Variants in USP47 observed in about 807,000 individuals in gnomAD.
USP47 encodes the protein ubiquitin specific peptidase 47.
In USP47, 35 loss-of-function variants were observed where a neutral mutation model predicts 165.1. That is an observed-to-expected ratio of 0.21 (90% CI 0.16 to 0.28). The LOEUF (loss-of-function observed/expected upper bound fraction) is 0.28. Ranked by LOEUF, USP47 falls within the 10% of genes least tolerant of loss-of-function variation. The probability of loss-of-function intolerance (pLI) is 1.00; values close to 1 mark genes in which losing one functional copy is unlikely to be tolerated. For synonymous variants in USP47, 531 were observed against 544.5 expected, an observed-to-expected ratio of 0.98 and a Z score of 0.35; for missense variants, 1,277 against 1,607.4, an observed-to-expected ratio of 0.79 and a Z score of 3.52.
intron 1 of USP47, among the ~76,000 whole-genome samples, chr11:11,866,920 C>T (rs1049075040): frequency 5.9e-5 from 9 of 151,322 alleles, no homozygotes; most frequent in Admixed American, 2.6e-4. Flanking sequence ...TTTTTTGAGA[C>T]GAAGTTTCAC....
intron 1 of USP47, among the ~76,000 whole-genome samples, chr11:11,852,875 T>C (rs1320149858): frequency 1.3e-5 from 2 of 152,224 alleles, no homozygotes; most frequent in Non-Finnish European, 2.9e-5. Flanking sequence ...GTTCCTCAGA[T>C]GTGCTGTTAT....
chr11:11,929,647 T>C, intron 12 of USP47, 82 bp downstream of exon 12: 1 of 1,535,878 alleles, frequency 6.5e-7, no homozygotes, highest in South Asian at 1.3e-5. Flanking sequence ...TTATTAAGAA[T>C]GAGTGAATCT....
chr11:11,849,561 A>AGGCTTTG, intron 1 of USP47, among the ~76,000 whole-genome samples: 1 of 152,238 alleles, frequency 6.6e-6, no homozygotes, highest in Non-Finnish European at 1.5e-5. Flanking sequence ...TCAAGTGTAT[A>AGGCTTTG]AATGGCTTAT....
intron 7 of USP47, among the ~76,000 whole-genome samples, chr11:11,904,122 G>A (rs1852396767): frequency 1.3e-5 from 2 of 152,130 alleles, no homozygotes; most frequent in Admixed American, 1.3e-4. Flanking sequence ...TCACATAAGA[G>A]TAAGTATTAT....
At chr11:11,870,249 C>T (rs572187995) in intron 1 of USP47, among the ~76,000 whole-genome samples, 2 of 151,896 alleles carry the variant, frequency 1.3e-5, no homozygotes, top group South Asian at 4.2e-4. Context: ...TGTTATTTTA[C>T]TAGTTCAAGT....
chr11:11,940,508 G>A lies in USP47; in HGVS notation c.2273G>A (p.Ser758Asn). The A allele has an allele frequency of 6.2e-7, 1 of 1,611,936 alleles. No individual in the cohort carries two copies. The highest frequency in any genetic ancestry group is 8.5e-7 in the Non-Finnish European group (1 of 1,178,580). The part of the protein sequence containing the change: ...YNDLRLLSVS[S>N]KTLKAEGFFR... ...GATTTGCGTCTTCTCAGTGTCTCCA[G>A]TAAAACCCTGAAAGCTGAAGGATTT... The change falls in exon 19 of 28, where the codon AGT becomes AAT. Residue 758 changes from serine (S) to asparagine (N), a missense_variant. This residue lies in a region of USP47 where 909 missense variants were observed against 1,068.1 expected (regional missense o/e 0.85). Coordinates refer to ENST00000527733, the MANE Select transcript of USP47 (RefSeq NM_001282659.2).
chr11:11,857,166 C>CA (rs11387868), intron 1 of USP47, among the ~76,000 whole-genome samples: 116,427 of 151,992 alleles, frequency 0.77, 45,430 homozygotes, highest in African/African-American at 0.92. Context: ...AACTCATCTC[C>CA]AAAAGATGCA....
At chr11:11,842,424 A>G (rs947422279) in intron 1 of USP47, among the ~76,000 whole-genome samples, 200 bp downstream of exon 1, 2 of 151,792 alleles carry the variant, frequency 1.3e-5, no homozygotes, top group African/African-American at 4.8e-5. Flanking sequence ...CGGGGAGCGG[A>G]CCTCCCGCCT....
chr11:11,862,777 G>A (rs115689155), intron 1 of USP47, among the ~76,000 whole-genome samples: 365 of 151,794 alleles, frequency 2.4e-3, no homozygotes, highest in African/African-American at 8.3e-3. Context: ...GGCTGGTCTC[G>A]AACTCCTGGG....
intron 2 of USP47, among the ~76,000 whole-genome samples, chr11:11,883,570 A>G (rs1215182209): frequency 2.6e-5 from 4 of 152,242 alleles, no homozygotes; most frequent in African/African-American, 9.6e-5. Context: ...TTTTCATAAA[A>G]TGAGTATAAG....
At chr11:11,874,263 A>G (rs1163719118) in intron 1 of USP47, among the ~76,000 whole-genome samples, 1 of 152,202 alleles carries the variant, frequency 6.6e-6, no homozygotes. Flanking sequence ...TTAAACTTCC[A>G]TGTGATGTAG....
chr11:11,950,916 C>T (rs192159752), intron 24 of USP47: 1 of 153,220 alleles, frequency 6.5e-6, no homozygotes, highest in East Asian at 1.9e-4. Flanking sequence ...TTCTTTTTTA[C>T]TATTATGGCT....
Position 11,920,477 on chromosome 11 carries a change from A to T in USP47, c.1201A>T (p.Ile401Phe). ...FPEELDMSTF[I>F]DVEDEKSPQT... ...CGAGGAACTAGATATGAGTACTTTT[A>T]TTGATGTTGAAGATGAGGTAAATAT... The change falls in exon 10 of 28, where the codon ATT (isoleucine) becomes TTT (phenylalanine). Residue 401 changes from isoleucine to phenylalanine, a missense_variant. Physicochemically the swap from Ile to Phe is conservative, Grantham distance 21. Coordinates refer to ENST00000527733, the MANE Select transcript of USP47 (RefSeq NM_001282659.2). The T allele has an allele frequency of 6.2e-7, 1 of 1,605,990 alleles. No homozygotes were observed. The highest frequency in any genetic ancestry group is 8.5e-7 in the Non-Finnish European group (1 of 1,176,700).
At chr11:11,910,179 AT>A (rs1852860647) in intron 8 of USP47, among the ~76,000 whole-genome samples, 1 of 152,182 alleles carries the variant, frequency 6.6e-6, no homozygotes. Context: ...AACCTTGAGC[AT>A]TATATGTAAA....
chr11:11,895,696 A>G (rs544066603), intron 4 of USP47, among the ~76,000 whole-genome samples: 1 of 152,286 alleles, frequency 6.6e-6, no homozygotes, highest in South Asian at 2.1e-4. Flanking sequence ...TTGAAGGCTA[A>G]TGTGAACTTA....
intron 16 of USP47, 39 bp from the exon 17 acceptor site, chr11:11,936,264 A>G (rs1355259741): frequency 1.5e-5 from 17 of 1,101,344 alleles, no homozygotes; most frequent in East Asian, 5.8e-5. Flanking sequence ...ATATATATGT[A>G]TATATATTTT....
At chr11:11,848,909 G>A (rs959647181) in intron 1 of USP47, among the ~76,000 whole-genome samples, 2 of 143,898 alleles carry the variant, frequency 1.4e-5, no homozygotes, top group Non-Finnish European at 3.0e-5. Context: ...ATGCCCAGCC[G>A]AAACTAGCGT....
chr11:11,935,947 G>T (rs1855030118), intron 16 of USP47, among the ~76,000 whole-genome samples: 1 of 151,856 alleles, frequency 6.6e-6, no homozygotes, highest in African/African-American at 2.4e-5. Flanking sequence ...CTAGTTGGCT[G>T]TTTGGTTGTT....
chr11:11,886,892 A>C (rs977798252), intron 3 of USP47, among the ~76,000 whole-genome samples: 1 of 152,212 alleles, frequency 6.6e-6, no homozygotes, highest in Non-Finnish European at 1.5e-5. Flanking sequence ...TCTCAGTGGA[A>C]ACCCTACAAG....
Sources: allele counts gnomAD v4.1 joint callset (sites outside exome capture counted in the v4.1 genomes callset), GRCh38; gene constraint gnomAD v4.1.1; regional missense constraint gnomAD v4.1.1; transcripts MANE v1.5; gene names NCBI Gene and HGNC (gene_info 2026-07-23, HGNC 2026-07-21).